EFL1: variants seen among roughly 807,000 people sequenced by gnomAD.
EFL1 encodes elongation factor like GTPase 1, also known as elongation factor-like GTPase 1.
EFL1 carries 76 observed loss-of-function variants against 126.7 expected under a neutral mutation model. The observed-to-expected ratio is 0.60, with a 90% confidence interval of 0.50 to 0.73. The LOEUF (loss-of-function observed/expected upper bound fraction) is 0.73. EFL1 is among the 30% of genes least tolerant of loss of function. The pLI is 0.00. For missense variants in EFL1, 1,128 were observed against 1,343.2 expected (o/e 0.84, Z 2.50); for synonymous variants, 410 against 448.4 (o/e 0.91, Z 1.08).
intron 15 of EFL1, among the ~76,000 whole-genome samples, chr15:82,188,607 A>C (rs1460047827): frequency 6.6e-6 from 1 of 152,086 alleles, no homozygotes; most frequent in Non-Finnish European, 1.5e-5. Flanking sequence ...TTACAACCCT[A>C]CTCTATCTAC....
At chr15:82,133,308 A>C (rs1037348362) in intron 19 of EFL1, among the ~76,000 whole-genome samples, 1 of 152,168 alleles carries the variant, frequency 6.6e-6, no homozygotes, top group Non-Finnish European at 1.5e-5. Context: ...AAACACTCAT[A>C]ATCTATCAAC....
In EFL1 at chr15:82,230,902, C is replaced by A. The variant is rs374087805; in HGVS notation, c.801G>T (p.Leu267Phe). Reference protein sequence around the residue: ...GIKKEVLMKTLWGDYYINMKA... With the variant: ...GIKKEVLMKTFWGDYYINMKA... ...TCATATTTATATAGTAATCTCCCCA[C>A]AAGGTTTTCATAAGAACTTCCTTTT... Residue 267 changes from leucine to phenylalanine, a missense_variant, in exon 8 of 20, where the codon TTG (leucine) becomes TTT (phenylalanine). Physicochemically the swap from Leu to Phe is conservative, Grantham distance 22. Coordinates refer to ENST00000268206, the MANE Select transcript of EFL1 (RefSeq NM_024580.6). The A allele has an allele frequency of 1.9e-6, 3 of 1,613,534 alleles. No homozygotes were observed. Among genetic ancestry groups the A allele is most frequent in the Non-Finnish European group, 2.5e-6 (3 of 1,179,662 alleles).
At chr15:82,207,307 T>TATACAC (rs141904056) in intron 15 of EFL1, among the ~76,000 whole-genome samples, 160 of 145,430 alleles carry the variant, frequency 1.1e-3, no homozygotes, top group African/African-American at 2.2e-3. Flanking sequence ...TATATATATA[T>TATACAC]ACACACACAC....
chr15:82,141,889 T>C (rs1243305177), intron 18 of EFL1, among the ~76,000 whole-genome samples: 2 of 152,192 alleles, frequency 1.3e-5, no homozygotes, highest in Admixed American at 6.5e-5. Context: ...TGAAACTGAA[T>C]ATAGTTAACA....
intron 14 of EFL1, among the ~76,000 whole-genome samples, chr15:82,216,861 A>C (rs1232851251): frequency 6.6e-6 from 1 of 152,156 alleles, no homozygotes; most frequent in African/African-American, 2.4e-5. Context: ...TGCCTATTAA[A>C]AGGTACCAAA....
At chr15:82,138,425 A>AGAGAGTGTGTGTGTGT (rs751682963) in intron 19 of EFL1, among the ~76,000 whole-genome samples, 3 of 46,180 alleles carry the variant, frequency 6.5e-5, no homozygotes, top group African/African-American at 2.1e-4. Flanking sequence ...AGAGAGAGAG[A>AGAGAGTGTGTGTGTGT]GTGTATGTGT....
At chr15:82,138,928 C>T (rs1288757073) in intron 18 of EFL1, 86 bp from the exon 19 acceptor site, 3 of 1,234,088 alleles carry the variant, frequency 2.4e-6, no homozygotes, top group Non-Finnish European at 3.3e-6. Flanking sequence ...TACTCTGTAA[C>T]AATCCATAAA....
chr15:82,220,953 C>A (rs8033831), intron 12 of EFL1, among the ~76,000 whole-genome samples: 98,838 of 152,014 alleles, frequency 0.65, 33,963 homozygotes, highest in African/African-American at 0.88. Flanking sequence ...GAAACCAGGC[C>A]GGTAGACTGT....
intron 4 of EFL1, among the ~76,000 whole-genome samples, chr15:82,244,495 A>T (rs1596006405): frequency 6.6e-6 from 1 of 152,180 alleles, no homozygotes; most frequent in Non-Finnish European, 1.5e-5. Flanking sequence ...TCCCTGCAAT[A>T]GCATTCAGGG....
At chr15:82,178,956 ACT>A (rs1327344708) in intron 15 of EFL1, among the ~76,000 whole-genome samples, 1 of 151,994 alleles carries the variant, frequency 6.6e-6, no homozygotes, top group African/African-American at 2.4e-5. Context: ...ACATAGCAAG[ACT>A]CTGTCTCAAA....
chr15:82,212,886 C>T (rs1397201175), intron 15 of EFL1, among the ~76,000 whole-genome samples: 2 of 152,334 alleles, frequency 1.3e-5, no homozygotes, highest in East Asian at 3.9e-4. Context: ...CAAATAAAAA[C>T]ATTAATCCTG....
At chr15:82,201,174 G>T (rs2651704) in intron 15 of EFL1, among the ~76,000 whole-genome samples, 67 of 152,318 alleles carry the variant, frequency 4.4e-4, no homozygotes, top group East Asian at 2.5e-3. Flanking sequence ...TCGCCTAAGC[G>T]TATTAAGTGA....
intron 15 of EFL1, among the ~76,000 whole-genome samples, chr15:82,201,077 T>C (rs1373108370): frequency 3.3e-5 from 5 of 152,236 alleles, no homozygotes; most frequent in Non-Finnish European, 7.3e-5. Flanking sequence ...GGTCCCACTA[T>C]GTTGCCAAGG....
chr15:82,237,209 G>A (rs1302098026), intron 7 of EFL1, among the ~76,000 whole-genome samples: 2 of 152,172 alleles, frequency 1.3e-5, no homozygotes, highest in African/African-American at 4.8e-5. Flanking sequence ...GAAAGACACT[G>A]TTAGAGGATA....
intron 18 of EFL1, among the ~76,000 whole-genome samples, chr15:82,143,702 G>A (rs1277161892): frequency 6.6e-6 from 1 of 152,098 alleles, no homozygotes; most frequent in Non-Finnish European, 1.5e-5. Flanking sequence ...GATGTTAACA[G>A]GTCAAACCCA....
chr15:82,170,106 CTTTTTTTT>C (rs760955432), intron 15 of EFL1, among the ~76,000 whole-genome samples: 2 of 78,856 alleles, frequency 2.5e-5, no homozygotes, highest in African/African-American at 5.2e-5. Flanking sequence ...CACTGGATGT[CTTTTTTTT>C]TTTTTTTTTT....
At chr15:82,154,876 C>A (rs1450988981) in intron 17 of EFL1, among the ~76,000 whole-genome samples, 2 of 152,194 alleles carry the variant, frequency 1.3e-5, no homozygotes, top group African/African-American at 4.8e-5. Context: ...ACCCTCTTGC[C>A]TCAGCTTCCT....
In EFL1 at chr15:82,249,389, TA is replaced by T. The variant is rs892606749; in HGVS notation, c.244+3301del. On this transcript the variant is annotated intron_variant, in intron 4 of 19. Transcript: ENST00000268206. ...ATGCATATAAACTTGTAAATTTATT[TA>T]AAATATTTTAAAAGATGAATTAGAT... Among the ~76,000 whole-genome samples, 19 of 151,976 alleles carry T rather than the reference TA, an allele frequency of 1.3e-4. 1 individual carries two copies. The highest frequency in any genetic ancestry group is 4.6e-4 in the African/African-American group (19 of 41,356).
chr15:82,145,053 C>G (rs2073828820), intron 18 of EFL1, among the ~76,000 whole-genome samples: 1 of 151,178 alleles, frequency 6.6e-6, no homozygotes, highest in South Asian at 2.1e-4. Context: ...TCTGTAATAC[C>G]AGCACTTTGG....
Sources: gnomAD v4.1 joint callset for allele counts (sites outside exome capture counted in the v4.1 genomes callset) on GRCh38, gnomAD v4.1.1 for gene constraint, MANE v1.5 for transcripts, NCBI Gene and HGNC (gene_info 2026-07-23, HGNC 2026-07-21) for gene names.